The following NHSL1 variants were observed in gnomAD, a reference collection of about 807,000 sequenced individuals.
NHSL1 encodes NHS like 1, also known as NHS-like protein 1.
NHSL1 carries 48 observed loss-of-function variants against 95.0 expected under a neutral mutation model. The ratio of observed to expected loss-of-function variants is 0.51; its 90% CI spans 0.40 to 0.64. NHSL1 has a LOEUF of 0.64. NHSL1 is among the 30% of genes least tolerant of loss of function. NHSL1 has a pLI of 0.00. For missense variants in NHSL1, 1,971 were observed against 2,077.7 expected, an observed-to-expected ratio of 0.95 and a Z score of 1.00; for synonymous variants, 783 against 833.9, an observed-to-expected ratio of 0.94 and a Z score of 1.05.
intron 3 of NHSL1, among the ~76,000 whole-genome samples, chr6:138,469,421 T>C: frequency 6.6e-6 from 1 of 152,116 alleles, no homozygotes; most frequent in East Asian, 1.9e-4. Flanking sequence ...CTTGTTAACT[T>C]TATATAGTTA....
Position 138,692,417 on chromosome 6 carries a change from A to G in NHSL1, c.96+59T>C. The G allele has an allele frequency of 4.0e-6, 1 of 249,044 alleles. No individual in the cohort carries two copies. Among genetic ancestry groups the G allele is most frequent in the South Asian group, 4.3e-5 (1 of 23,482 alleles). 15.4% of individuals were successfully genotyped at this position (249,044 alleles called of 1,614,324 possible). On this transcript the variant is annotated intron_variant, in intron 1 of 3. Transcript: ENST00000491526. This position sits in a 1 kb window ranked among gnomAD's most constrained non-coding sequence, Gnocchi z 4.0. ...CCAGGGCCGCCAGGGGGCGGGCGGG[A>G]GCAGCTCTCCGGGTGCCTCCCCCGC...
At chr6:138,602,365 C>T (rs550722849) in intron 1 of NHSL1, among the ~76,000 whole-genome samples, 1 of 152,134 alleles carries the variant, frequency 6.6e-6, no homozygotes, top group East Asian at 1.9e-4. Flanking sequence ...TGTTTTGAGA[C>T]AGAGTCTCAC....
In NHSL1 at chr6:138,692,005, C is replaced by A. The variant is rs1185824225; in HGVS notation, c.96+471G>T. On this transcript the variant is annotated intron_variant, in intron 1 of 3. Transcript: ENST00000491526. This position sits in a 1 kb window ranked among gnomAD's most constrained non-coding sequence, Gnocchi z 4.0. ...GAAGAGAGGTGGCAAGCAGCCCCAA[C>A]GCTCGCCGAGATCCCCAGGGTTTTA... is the stretch of plus-strand genomic sequence containing the variant. 2.2e-6 allele frequency: 1 copy of A among 456,702 alleles called. No homozygotes were observed. The highest frequency in any genetic ancestry group is 1.5e-5 in the South Asian group (1 of 64,570). 28.3% of individuals were successfully genotyped at this position (456,702 alleles called of 1,614,324 possible). A position where few individuals can be genotyped will look rare whatever the true frequency, so the allele number is the denominator to read the frequency against.
intron 1 of NHSL1, among the ~76,000 whole-genome samples, chr6:138,543,860 G>A (rs1782677949): frequency 1.3e-5 from 2 of 152,128 alleles, no homozygotes; most frequent in Admixed American, 6.5e-5. Context: ...CCTAGCTGCC[G>A]GGAGATCAGA....
chr6:138,444,685 T>G (rs1341487978), intron 4 of NHSL1, among the ~76,000 whole-genome samples: 1 of 152,174 alleles, frequency 6.6e-6, no homozygotes, highest in African/African-American at 2.4e-5. Flanking sequence ...AATTTTCTTT[T>G]TTTAATCTCA....
At chr6:138,545,703 G>A in exon 1 of NHSL1, 4 of 1,282,922 alleles carry the variant, frequency 3.1e-6, no homozygotes, top group South Asian at 1.3e-5. Flanking sequence ...GCTAGGCACA[G>A]CTGTCTCCCA....
At chr6:138,687,031 G>A (rs1034825156) in intron 1 of NHSL1, among the ~76,000 whole-genome samples, 2 of 152,132 alleles carry the variant, frequency 1.3e-5, no homozygotes, top group African/African-American at 2.4e-5. Flanking sequence ...GGGCCACACA[G>A]CCACCAACAT....
intron 7 of NHSL1, among the ~76,000 whole-genome samples, chr6:138,428,179 C>T (rs767563803): frequency 2.6e-5 from 4 of 152,124 alleles, no homozygotes; most frequent in Admixed American, 6.5e-5. Context: ...AACCAGGCTA[C>T]GCAAATCTTC....
intron 1 of NHSL1, among the ~76,000 whole-genome samples, chr6:138,627,902 T>A (rs907376382): frequency 8.6e-5 from 13 of 152,030 alleles, no homozygotes; most frequent in East Asian, 3.9e-4. Flanking sequence ...AAAAAAAATT[T>A]AAAAAATTTA....
chr6:138,654,977 A>G (rs2114718113), intron 1 of NHSL1, among the ~76,000 whole-genome samples: 1 of 152,316 alleles, frequency 6.6e-6, no homozygotes, highest in East Asian at 1.9e-4. Flanking sequence ...ATTTTTAAGA[A>G]TTTATTTCCA....
intron 3 of NHSL1, among the ~76,000 whole-genome samples, chr6:138,460,629 G>C (rs1342964844): frequency 1.3e-5 from 2 of 151,698 alleles, no homozygotes; most frequent in African/African-American, 4.8e-5. Context: ...TGATATAAGG[G>C]ACTTGAGCAT....
chr6:138,680,645 C>A (rs1212806294), intron 1 of NHSL1, among the ~76,000 whole-genome samples: 1 of 152,160 alleles, frequency 6.6e-6, no homozygotes, highest in African/African-American at 2.4e-5. Flanking sequence ...AAAGCAGGTT[C>A]TCACTCTGTC....
intron 1 of NHSL1, among the ~76,000 whole-genome samples, chr6:138,557,485 C>CCTT (rs1783236132): frequency 6.6e-6 from 1 of 152,176 alleles, no homozygotes; most frequent in Non-Finnish European, 1.5e-5. Context: ...TGCAAGTACA[C>CCTT]TGTCGAAAGA....
At chr6:138,625,858 G>C (rs977905196) in intron 1 of NHSL1, among the ~76,000 whole-genome samples, 1 of 152,112 alleles carries the variant, frequency 6.6e-6, no homozygotes, top group Non-Finnish European at 1.5e-5. Flanking sequence ...CCCCAGGTGG[G>C]TCTCAAACTC....
chr6:138,529,308 A>T (rs1278237898), intron 1 of NHSL1, among the ~76,000 whole-genome samples: 1 of 152,168 alleles, frequency 6.6e-6, no homozygotes, highest in East Asian at 1.9e-4. Context: ...CTGGAAATCA[A>T]ATCTAATAGA....
intron 1 of NHSL1, among the ~76,000 whole-genome samples, chr6:138,541,829 C>G (rs1782592699): frequency 1.3e-5 from 2 of 152,170 alleles, no homozygotes; most frequent in South Asian, 2.1e-4. Context: ...CACATACAAA[C>G]TCATCTTAAA....
chr6:138,477,211 A>G (rs1334458207), intron 2 of NHSL1, among the ~76,000 whole-genome samples: 1 of 152,202 alleles, frequency 6.6e-6, no homozygotes, highest in Non-Finnish European at 1.5e-5. Flanking sequence ...GAAATATTTC[A>G]CAAATATAGA....
chr6:138,508,056 C>T (rs73575468), intron 1 of NHSL1, among the ~76,000 whole-genome samples: 2,530 of 152,288 alleles, frequency 0.017, 69 homozygotes, highest in African/African-American at 0.058. Context: ...TCATTGCTGC[C>T]ATCGGCTTGG....
chr6:138,688,659 A>G (rs1785619601), intron 1 of NHSL1, among the ~76,000 whole-genome samples: 2 of 151,890 alleles, frequency 1.3e-5, no homozygotes, highest in South Asian at 4.2e-4. Context: ...ATTAAAATAA[A>G]AATAAAAAAA....
Sources: gnomAD v4.1 joint callset for allele counts (sites outside exome capture counted in the v4.1 genomes callset) on GRCh38, gnomAD v4.1.1 for gene constraint, Gnocchi (gnomAD v3.1) non-coding constraint, MANE v1.5 for transcripts, NCBI Gene and HGNC (gene_info 2026-07-23, HGNC 2026-07-21) for gene names.